The following ABCG5 variants were observed in gnomAD, a reference collection of about 807,000 sequenced individuals.
ABCG5 encodes ATP-binding cassette sub-family G member 5.
A neutral mutation model predicts 64.5 loss-of-function variants in ABCG5; 64 were observed. That is an observed-to-expected ratio of 0.99 (90% confidence interval 0.81 to 1.22). ABCG5 has a LOEUF of 1.22. Among genes scored for constraint, ABCG5 ranks in the 50% most tolerant of loss-of-function variants. The pLI, the probability that ABCG5 is intolerant of heterozygous loss-of-function variation, is 0.00. For missense variants in ABCG5, 908 were observed against 829.5 expected, an observed-to-expected ratio of 1.09 and a Z score of -1.16; for synonymous variants, 385 against 326.3, an observed-to-expected ratio of 1.18 and a Z score of -1.94.
intron 4 of ABCG5, 35 bp from the exon 5 acceptor site, chr2:43,828,150 T>A: frequency 6.2e-7 from 1 of 1,612,814 alleles, no homozygotes; most frequent in Non-Finnish European, 8.5e-7. Flanking sequence ...AGGCTGGGAG[T>A]CTCTGTGGCT....
At chr2:43,833,974 G>A (rs988351483) in intron 2 of ABCG5, among the ~76,000 whole-genome samples, 6 of 152,162 alleles carry the variant, frequency 3.9e-5, no homozygotes, top group African/African-American at 9.7e-5. Context: ...GTGAGCGACC[G>A]CACCTGGCCC....
chr2:43,837,095 G>C (rs927865625), intron 2 of ABCG5, among the ~76,000 whole-genome samples: 1 of 148,800 alleles, frequency 6.7e-6, no homozygotes, highest in African/African-American at 2.5e-5. Context: ...GTTAATACAT[G>C]AACTTTTAAA....
intron 10 of ABCG5, 135 bp downstream of exon 10, chr2:43,822,662 T>A: frequency 1.3e-6 from 2 of 1,551,962 alleles, no homozygotes; most frequent in Non-Finnish European, 1.7e-6. Context: ...GATACGACAT[T>A]GCACTAGACA....
intron 4 of ABCG5, 40 bp from the exon 5 acceptor site, chr2:43,828,155 G>A: frequency 6.2e-7 from 1 of 1,613,006 alleles, no homozygotes; most frequent in African/African-American, 1.3e-5. Context: ...GGGAGTCTCT[G>A]TGGCTGCTAT....
intron 4 of ABCG5, among the ~76,000 whole-genome samples, chr2:43,831,113 CAT>C (rs1200530803): frequency 7.2e-5 from 11 of 152,234 alleles, no homozygotes; most frequent in South Asian, 4.2e-4. Flanking sequence ...ATTTTAATAA[CAT>C]ATTATTTACA....
At chr2:43,829,392 G>C (rs1318512878) in intron 4 of ABCG5, among the ~76,000 whole-genome samples, 1 of 152,004 alleles carries the variant, frequency 6.6e-6, no homozygotes, top group Non-Finnish European at 1.5e-5. Flanking sequence ...CTTTAATGGG[G>C]ACCCAATTTA....
intron 4 of ABCG5, 24 bp downstream of exon 4, chr2:43,831,745 C>A: frequency 6.4e-7 from 1 of 1,558,178 alleles, no homozygotes; most frequent in South Asian, 1.2e-5. Context: ...AGTTTGCCCT[C>A]TGTGAGCGGG....
At chr2:43,818,828 G>T (rs149922170) in intron 11 of ABCG5, among the ~76,000 whole-genome samples, 1 of 151,998 alleles carries the variant, frequency 6.6e-6, no homozygotes, top group Non-Finnish European at 1.5e-5. Flanking sequence ...GATTATTTCC[G>T]TTCCTTCTCA....
At chr2:43,839,017 G>T, upstream of ABCG5, 1 of 1,545,842 alleles carries the variant, frequency 6.5e-7, no homozygotes, top group South Asian at 1.2e-5. Context: ...CTGGGTCTAA[G>T]AGAGCTGCAG....
chr2:43,837,120 CT>C (rs113990483), intron 2 of ABCG5, among the ~76,000 whole-genome samples: 47,338 of 131,080 alleles, frequency 0.36, 7,946 homozygotes, highest in East Asian at 0.77. Context: ...ATTCTCCAGT[CT>C]TTTTTTTTTT....
chr2:43,829,461 C>A (rs1426906000), intron 4 of ABCG5, among the ~76,000 whole-genome samples: 1 of 152,180 alleles, frequency 6.6e-6, no homozygotes, highest in East Asian at 1.9e-4. Flanking sequence ...GTACTTAAAG[C>A]CTGTAACTCC....
At chr2:43,807,683 T>C (rs1268893268), downstream of ABCG5, among the ~76,000 whole-genome samples, 1 of 134,252 alleles carries the variant, frequency 7.4e-6, no homozygotes. Flanking sequence ...CCTCCCAAAG[T>C]GCTGGGATTA....
chr2:43,823,945 G>C lies in ABCG5; in HGVS notation c.1292C>G (p.Pro431Arg). Reference protein sequence around the residue: ...GLLYQFVGATPYTGMLNAVNL... With the variant: ...GLLYQFVGATRYTGMLNAVNL... ...CACAGCGTTCAGCATGCCTGTGTACGGGGTGGCGCCCACAAACTGGTAAAG... is the reference window on the plus strand; with the variant it reads ...CACAGCGTTCAGCATGCCTGTGTACCGGGTGGCGCCCACAAACTGGTAAAG... The change falls in exon 9 of 13, where the codon CCG becomes CGG. Residue 431 changes from proline (P) to arginine (R), a missense_variant. Physicochemically the swap from Pro to Arg is moderately radical, Grantham distance 103. Coordinates refer to ENST00000405322, the MANE Select transcript of ABCG5 (RefSeq NM_022436.3). 1 of 1,614,196 alleles carries C rather than the reference G, an allele frequency of 6.2e-7. No individual in the cohort carries two copies. Among genetic ancestry groups the C allele is most frequent in the Non-Finnish European group, 8.5e-7 (1 of 1,180,044 alleles).
At chr2:43,809,744 A>T, downstream of ABCG5, 2 of 1,612,210 alleles carry the variant, frequency 1.2e-6, no homozygotes, top group Non-Finnish European at 1.7e-6. Flanking sequence ...CAAGTCTTGG[A>T]AACAAATCGA....
rs752351722 is a variant in ABCG5, at chr2:43,822,907, C to T, written c.1353G>A (p.Gln451=). 4 of 1,613,992 alleles carry T rather than the reference C, an allele frequency of 2.5e-6. No individual in the cohort carries two copies. In the South Asian group the frequency reaches 3.3e-5, roughly 13 times the overall value. ...LFPVLRAVSD[Q]ESQDGLYQKW... is the part of the protein sequence containing the mutation. ...TCTGGTAGAGGCCGTCCTGACTCTC[C>T]TGGTCGCTGACAGCTCGCAGCACGG... Residue 451 remains glutamine, a synonymous_variant, in exon 10 of 13, where the codon CAG becomes CAA. Coordinates refer to ENST00000405322, the MANE Select transcript of ABCG5 (RefSeq NM_022436.3).
chr2:43,810,647 C>T, downstream of ABCG5: 3 of 429,432 alleles, frequency 7.0e-6, no homozygotes, highest in Non-Finnish European at 9.3e-6. Flanking sequence ...ACTGTCTGAG[C>T]AGATAGCAAG....
chr2:43,813,433 AGT>A, intron 12 of ABCG5, 124 bp from the exon 13 acceptor site: 1 of 734,242 alleles, frequency 1.4e-6, no homozygotes, highest in South Asian at 1.5e-5. Flanking sequence ...GCAAGCCCAG[AGT>A]TTACAATTTG....
intron 10 of ABCG5, chr2:43,822,451 T>C: frequency 1.1e-6 from 1 of 916,202 alleles, no homozygotes; most frequent in Non-Finnish European, 1.3e-6. Context: ...AGGTTTTACA[T>C]TCAGGCTGCT....
chr2:43,823,777 C>G (rs994211286), intron 9 of ABCG5, 136 bp downstream of exon 9: 1 of 1,009,872 alleles, frequency 9.9e-7, no homozygotes. Flanking sequence ...TTGCCTTTCC[C>G]CAGAGAGGGA....
Sources: allele counts gnomAD v4.1 joint callset (sites outside exome capture counted in the v4.1 genomes callset), GRCh38; gene constraint gnomAD v4.1.1; transcripts MANE v1.5; gene names NCBI Gene and HGNC (gene_info 2026-07-23, HGNC 2026-07-21).